ELMO1: variants seen among roughly 807,000 people sequenced by gnomAD.
ELMO1 encodes engulfment and cell motility protein 1.
ELMO1 carries 26 observed loss-of-function variants against 98.9 expected under a neutral mutation model. The observed-to-expected ratio is 0.26, with a 90% confidence interval of 0.19 to 0.36. ELMO1 has a LOEUF of 0.36. Among genes scored for constraint, ELMO1 ranks in the 10% least tolerant of loss-of-function variants. The probability of loss-of-function intolerance (pLI) is 1.00; values close to 1 mark genes in which losing one functional copy is unlikely to be tolerated. For synonymous variants in ELMO1, 346 were observed against 346.0 expected, an observed-to-expected ratio of 1.00 and a Z score of 0.00; for missense variants, 627 against 935.2, an observed-to-expected ratio of 0.67 and a Z score of 4.30.
At chr7:37,163,343 T>TCTG (rs1554430066) in intron 13 of ELMO1, among the ~76,000 whole-genome samples, 1 of 149,848 alleles carries the variant, frequency 6.7e-6, no homozygotes, top group African/African-American at 2.5e-5. Context: ...TGTTCTTTTT[T>TCTG]TTTTTTTTTA....
intron 16 of ELMO1, among the ~76,000 whole-genome samples, chr7:36,919,814 C>T (rs1317836588): frequency 2.0e-5 from 3 of 152,128 alleles, no homozygotes; most frequent in African/African-American, 7.2e-5. Flanking sequence ...AACCCTATTG[C>T]TAATGTGACT....
chr7:36,967,303 A>T (rs1789526361), intron 16 of ELMO1, among the ~76,000 whole-genome samples: 1 of 152,162 alleles, frequency 6.6e-6, no homozygotes, highest in Non-Finnish European at 1.5e-5. Context: ...ATTCCATAAA[A>T]ATGACAAAGG....
At chr7:37,285,852 A>G (rs997116762) in intron 4 of ELMO1, among the ~76,000 whole-genome samples, 7 of 152,128 alleles carry the variant, frequency 4.6e-5, no homozygotes, top group African/African-American at 1.7e-4. Context: ...CACTTGAGAT[A>G]AGAGACCTGA....
chr7:36,877,197 G>A (rs1393908121), intron 19 of ELMO1, among the ~76,000 whole-genome samples: 1 of 152,168 alleles, frequency 6.6e-6, no homozygotes, highest in African/African-American at 2.4e-5. Flanking sequence ...CAAGGTCAAG[G>A]TGACTTTTAA....
intron 5 of ELMO1, among the ~76,000 whole-genome samples, chr7:37,261,574 T>C (rs1430499270): frequency 6.6e-6 from 1 of 152,184 alleles, no homozygotes; most frequent in African/African-American, 2.4e-5. Flanking sequence ...CTCTCCGTGA[T>C]GATAGAATGA....
intron 1 of ELMO1, among the ~76,000 whole-genome samples, chr7:37,396,162 G>A (rs776861027): frequency 6.6e-5 from 10 of 151,966 alleles, no homozygotes; most frequent in Non-Finnish European, 1.3e-4. Flanking sequence ...CATCCATCTT[G>A]TATCAGGCCA....
intron 15 of ELMO1, among the ~76,000 whole-genome samples, chr7:37,088,998 G>GA (rs975199953): frequency 6.6e-5 from 10 of 150,490 alleles, no homozygotes; most frequent in Non-Finnish European, 8.9e-5. Context: ...CGTATTTGGA[G>GA]AAAAAAAAAG....
chr7:37,124,276 T>C (rs915553524), intron 14 of ELMO1, among the ~76,000 whole-genome samples: 4 of 152,202 alleles, frequency 2.6e-5, no homozygotes, highest in Non-Finnish European at 1.5e-5. Flanking sequence ...TGTTGGAAGT[T>C]CTGCCTAGCG....
chr7:37,378,008 C>T lies in ELMO1; in HGVS notation c.-73-35245G>A, dbSNP rs117422081. 9.2e-5 allele frequency among the ~76,000 whole-genome samples: 14 copies of T among 152,320 alleles called. No individual in the cohort carries two copies. In the East Asian group the frequency reaches 2.5e-3, roughly 27 times the overall value. On this transcript the variant is annotated intron_variant, in intron 1 of 21. Coordinates refer to ENST00000310758, the MANE Select transcript of ELMO1 (RefSeq NM_014800.11). ...CTGTCTATTGACAGTTAATGCACAG[C>T]CCCCATCCCTCAGACCATGCAACCC...
At chr7:37,048,421 A>G (rs1383024235) in intron 15 of ELMO1, among the ~76,000 whole-genome samples, 1 of 152,262 alleles carries the variant, frequency 6.6e-6, no homozygotes, top group Non-Finnish European at 1.5e-5. Flanking sequence ...CAATTCTTTC[A>G]TAAGACAGCA....
intron 1 of ELMO1, among the ~76,000 whole-genome samples, chr7:37,397,550 T>C (rs1417247224): frequency 2.6e-5 from 4 of 152,218 alleles, no homozygotes; most frequent in African/African-American, 9.6e-5. Context: ...TTGGGCAGCA[T>C]CACCTCTGTG....
At position 37,020,432 on chromosome 7, in the gene ELMO1, G is replaced by A. The variant is rs527996708; in HGVS notation, c.1301-6997C>T. Among the ~76,000 whole-genome samples, 4 of 152,274 alleles carry A rather than the reference G, an allele frequency of 2.6e-5. No homozygotes were observed. In the South Asian group the frequency reaches 8.3e-4, roughly 32 times the overall value. On this transcript the variant is annotated intron_variant, in intron 15 of 21. Transcript: ENST00000310758. ...GTTTAGCAAATGTTTGATGAGCAAG[G>A]ATTTATTCTTTCTTTCGTAAGAAAA...
chr7:37,070,386 ATTCT>A (rs1258506416), intron 15 of ELMO1, among the ~76,000 whole-genome samples: 3 of 152,278 alleles, frequency 2.0e-5, no homozygotes, highest in African/African-American at 4.8e-5. Context: ...ATCCTCTTGT[ATTCT>A]TTCTTTCTTT....
At chr7:37,373,594 G>A (rs1027047008) in intron 1 of ELMO1, among the ~76,000 whole-genome samples, 1 of 149,558 alleles carries the variant, frequency 6.7e-6, no homozygotes, top group Non-Finnish European at 1.5e-5. Context: ...GGATGATAGA[G>A]CAAGACTCCA....
chr7:36,971,924 C>T (rs142596196), intron 16 of ELMO1, among the ~76,000 whole-genome samples: 36 of 152,244 alleles, frequency 2.4e-4, no homozygotes, highest in African/African-American at 8.2e-4. Context: ...ACCTCTCTAA[C>T]ATTTGTAAGG....
At chr7:37,375,726 C>T (rs1170572587) in intron 1 of ELMO1, 2 of 1,236,930 alleles carry the variant, frequency 1.6e-6, no homozygotes, top group East Asian at 2.4e-5. Flanking sequence ...GACACTTCTA[C>T]TGGTACCTTA....
intron 15 of ELMO1, among the ~76,000 whole-genome samples, chr7:37,072,315 T>G (rs1309913947): frequency 6.6e-6 from 1 of 152,144 alleles, no homozygotes; most frequent in East Asian, 1.9e-4. Context: ...GTCTTTCCTG[T>G]GCTGTTCTCA....
chr7:36,914,312 G>A (rs1009892967), intron 16 of ELMO1, among the ~76,000 whole-genome samples: 12 of 152,164 alleles, frequency 7.9e-5, no homozygotes, highest in Admixed American at 5.2e-4. Flanking sequence ...ACTTGTATGT[G>A]TTAGGGCTAG....
intron 1 of ELMO1, among the ~76,000 whole-genome samples, chr7:37,377,553 G>T (rs1802403853): frequency 6.6e-6 from 1 of 152,142 alleles, no homozygotes; most frequent in East Asian, 1.9e-4. Flanking sequence ...GGTCACTGGG[G>T]AGAAGGTAGA....
Sources: allele counts gnomAD v4.1 joint callset (sites outside exome capture counted in the v4.1 genomes callset), GRCh38; gene constraint gnomAD v4.1.1; transcripts MANE v1.5; gene names NCBI Gene and HGNC (gene_info 2026-07-23, HGNC 2026-07-21).